ADGRE3: variants seen among roughly 807,000 people sequenced by gnomAD.
ADGRE3 encodes the protein adhesion G protein-coupled receptor E3.
Under a neutral mutation model 80.1 loss-of-function variants are expected in ADGRE3, and 88 were observed. The observed-to-expected ratio is 1.10, with a 90% CI of 0.93 to 1.31. The LOEUF is 1.31. Among genes scored for constraint, ADGRE3 ranks in the 40% most tolerant of loss-of-function variants. The pLI is 0.00. For missense variants in ADGRE3, 715 were observed against 776.5 expected (o/e 0.92, Z 0.94); for synonymous variants, 281 against 294.8 (o/e 0.95, Z 0.48).
intron 8 of ADGRE3, 36 bp from the exon 9 acceptor site, chr19:14,644,311 G>A (rs1415497303): frequency 7.3e-7 from 1 of 1,363,082 alleles, no homozygotes; most frequent in Middle Eastern, 2.3e-4. Flanking sequence ...CATTGTCTTT[G>A]TCTTTCTTTC....
chr19:14,670,530 G>A (rs1355248669), intron 1 of ADGRE3, among the ~76,000 whole-genome samples: 5 of 152,132 alleles, frequency 3.3e-5, no homozygotes, highest in African/African-American at 4.8e-5. Context: ...CACCTTTTTG[G>A]AAAATTGTCT....
In ADGRE3 at chr19:14,620,566, ATATTTTTTTTTTTTTTTTTTT is replaced by A. The variant is rs1970570584; in HGVS notation, c.1921-1116_1921-1096del. ...ATATATATTATATATATATATATATATATTTTTTTTTTTTTTTTTTTTTTTTTTTTTGAGACAGGGTTTTGC... is the reference window on the plus strand; with the variant it reads ...ATATATATTATATATATATATATATATTTTTTTTTTGAGACAGGGTTTTGC... On this transcript the variant is annotated intron_variant, in intron 15 of 15. Transcript: ENST00000253673. Among the ~76,000 whole-genome samples, 10 of 16,054 alleles carry A rather than the reference ATATTTTTTTTTTTTTTTTTTT, an allele frequency of 6.2e-4. 1 individual carries two copies. Among genetic ancestry groups the A allele is most frequent in the Admixed American group, 3.8e-3 (3 of 798 alleles). 10.5% of individuals were successfully genotyped at this position (16,054 alleles called of 152,430 possible).
At chr19:14,611,701 T>C in the ADGRE3 span, among the ~76,000 whole-genome samples, 1 of 152,140 alleles carries the variant, frequency 6.6e-6, no homozygotes, top group Non-Finnish European at 1.5e-5. Flanking sequence ...ACGTCTTTGA[T>C]GATATAATTC....
chr19:14,639,519 C>T (rs542962589), intron 10 of ADGRE3, among the ~76,000 whole-genome samples: 2 of 152,186 alleles, frequency 1.3e-5, no homozygotes, highest in South Asian at 4.2e-4. Flanking sequence ...ATCTTCCTGC[C>T]TCAGCCTCCC....
chr19:14,636,072 T>C lies in ADGRE3; in HGVS notation c.1484+2033A>G, dbSNP rs181573388. On this transcript the variant is annotated intron_variant, in intron 11 of 15. Coordinates refer to ENST00000253673, the MANE Select transcript of ADGRE3 (RefSeq NM_032571.5). ...TCCTTCCTTCCTTCCTTTCCTTTCC[T>C]TTCCTTTCCCTTTCTTTCTTTCTTT... Among the ~76,000 whole-genome samples the C allele has an allele frequency of 1.0e-3, 112 of 108,522 alleles. 2 individuals are homozygous for C. Among genetic ancestry groups the C allele is most frequent in the Middle Eastern group, 3.9e-3 (1 of 254 alleles). The allele number at this position is 108,522 out of a possible 152,430, so 71.2% of individuals were successfully genotyped here.
At chr19:14,630,658 C>T (rs544140235) in intron 13 of ADGRE3, among the ~76,000 whole-genome samples, 1 of 151,996 alleles carries the variant, frequency 6.6e-6, no homozygotes, top group African/African-American at 2.4e-5. Context: ...AAGAGATCCA[C>T]CCATCTTGGC....
rs1321421337 is a variant in ADGRE3 at position 14,641,327 on chromosome 19, G to C, written c.1248+92C>G. 1.7e-5 allele frequency: 25 copies of C among 1,500,714 alleles called. No homozygotes were observed. In the Admixed American group the frequency reaches 4.1e-4, roughly 25 times the overall value. 93.0% of individuals were successfully genotyped at this position (1,500,714 alleles called of 1,614,324 possible). On this transcript the variant is annotated intron_variant, in intron 10 of 15. Coordinates refer to ENST00000253673, the MANE Select transcript of ADGRE3 (RefSeq NM_032571.5). ...ATATTTTTCTCCTCTACAGACCCAA[G>C]GACATTTTATTAAGGAATCTAGTGC...
chr19:14,636,058 T>TC, intron 11 of ADGRE3, among the ~76,000 whole-genome samples: 1 of 22,454 alleles, frequency 4.5e-5, no homozygotes, highest in South Asian at 1.9e-3. Context: ...CCTTCCTTCC[T>TC]TCCTTTCCTT....
intron 6 of ADGRE3, among the ~76,000 whole-genome samples, chr19:14,651,745 A>G (rs1053875394): frequency 5.9e-5 from 9 of 152,190 alleles, no homozygotes; most frequent in African/African-American, 1.9e-4. Flanking sequence ...GATTGATTAA[A>G]TAAGTGATGA....
intron 15 of ADGRE3, among the ~76,000 whole-genome samples, chr19:14,624,745 A>G (rs1440556729): frequency 1.3e-5 from 2 of 150,356 alleles, no homozygotes; most frequent in Admixed American, 1.3e-4. Flanking sequence ...ACAGAGCAAG[A>G]CCCTGTCTCT....
intron 14 of ADGRE3, among the ~76,000 whole-genome samples, chr19:14,629,829 A>G (rs1281500392): frequency 3.3e-5 from 5 of 152,146 alleles, no homozygotes; most frequent in Non-Finnish European, 7.3e-5. Context: ...TTTTTTTGAC[A>G]TAGCAATTAT....
chr19:14,673,730 A>G (rs906063259), intron 1 of ADGRE3, among the ~76,000 whole-genome samples: 16 of 152,246 alleles, frequency 1.1e-4, no homozygotes, highest in Non-Finnish European at 2.9e-5. Context: ...GTTGGTTATC[A>G]TTATTTTCTT....
At chr19:14,654,842 T>C (rs1971709337) in intron 6 of ADGRE3, 140 bp downstream of exon 6, 1 of 641,358 alleles carries the variant, frequency 1.6e-6, no homozygotes, top group Admixed American at 3.4e-5. Flanking sequence ...AAGTTTGCGT[T>C]TTCTAGAATT....
chr19:14,666,230 T>TG (rs1972103381), intron 2 of ADGRE3, among the ~76,000 whole-genome samples: 1 of 151,750 alleles, frequency 6.6e-6, no homozygotes, highest in Non-Finnish European at 1.5e-5. Context: ...TAGTGTAAAG[T>TG]GTTCCCTTTT....
intron 7 of ADGRE3, among the ~76,000 whole-genome samples, chr19:14,650,696 A>AC (rs979629639): frequency 1.6e-4 from 14 of 89,168 alleles, no homozygotes; most frequent in East Asian, 2.9e-4. Flanking sequence ...CTCTTCCCAC[A>AC]CCCCCCCACA....
At chr19:14,654,253 C>T (rs1171270063) in intron 6 of ADGRE3, among the ~76,000 whole-genome samples, 1 of 138,994 alleles carries the variant, frequency 7.2e-6, no homozygotes, top group African/African-American at 2.7e-5. Context: ...ATGCCCAGCC[C>T]AAAACCTGTT....
the ADGRE3 span, chr19:14,610,962 G>A: frequency 1.3e-5 from 2 of 151,180 alleles, no homozygotes; most frequent in Non-Finnish European, 2.9e-5. Context: ...GTACCTGGCC[G>A]ATATTTTTAT....
chr19:14,626,517 T>C (rs1238298297), intron 14 of ADGRE3, among the ~76,000 whole-genome samples: 4 of 152,156 alleles, frequency 2.6e-5, no homozygotes, highest in Admixed American at 2.0e-4. Flanking sequence ...AGAAGTTGCA[T>C]ATAATTCCTC....
At chr19:14,649,467 C>T (rs1971524030) in intron 7 of ADGRE3, among the ~76,000 whole-genome samples, 1 of 140,676 alleles carries the variant, frequency 7.1e-6, no homozygotes, top group Admixed American at 7.1e-5. Context: ...CACCTTTTTC[C>T]CCATCTCTCT....
Sources: gnomAD v4.1 joint callset for allele counts (sites outside exome capture counted in the v4.1 genomes callset) on GRCh38, gnomAD v4.1.1 for gene constraint, MANE v1.5 for transcripts, NCBI Gene and HGNC (gene_info 2026-07-23, HGNC 2026-07-21) for gene names.